The following ALMS1 variants were observed in gnomAD, a reference collection of about 807,000 sequenced individuals.
ALMS1 encodes the protein ALMS1 centrosome and basal body associated protein.
Under a neutral mutation model 352.2 loss-of-function variants are expected in ALMS1, and 271 were observed. That is an observed-to-expected ratio of 0.77 (90% CI 0.70 to 0.85). The LOEUF (loss-of-function observed/expected upper bound fraction) is 0.85, where lower values mean the gene tolerates loss of function less well. ALMS1 is among the 40% of genes least tolerant of loss of function. ALMS1 has a pLI of 0.00. For synonymous variants in ALMS1, 1,865 were observed against 1,761.2 expected (o/e 1.06, Z -1.48); for missense variants, 5,445 against 4,870.7 (o/e 1.12, Z -3.51).
chr2:73,592,996 A>G (rs897564613), intron 16 of ALMS1, among the ~76,000 whole-genome samples: 3 of 152,150 alleles, frequency 2.0e-5, no homozygotes, highest in Admixed American at 6.6e-5. Flanking sequence ...AGCCTAACCC[A>G]TGGTGGCTGA....
At chr2:73,510,858 T>A (rs1442099499) in intron 10 of ALMS1, among the ~76,000 whole-genome samples, 3 of 152,110 alleles carry the variant, frequency 2.0e-5, no homozygotes, top group Non-Finnish European at 4.4e-5. Flanking sequence ...AGATGGGAGT[T>A]TTATCTATAA....
chr2:73,588,963 A>G lies in ALMS1; in HGVS notation c.11548-10438A>G, dbSNP rs140896309. Reference sequence around the variant, plus strand: ...ATACGTTTACAGAGAAAGAGTTAAGATATAAAACTATGTATACATATTATA... The same window carrying G: ...ATACGTTTACAGAGAAAGAGTTAAGGTATAAAACTATGTATACATATTATA... On this transcript the variant is annotated intron_variant, in intron 16 of 22. Coordinates refer to ENST00000613296, the MANE Select transcript of ALMS1 (RefSeq NM_001378454.1). Among the ~76,000 whole-genome samples, 270 of 152,302 alleles carry G rather than the reference A, an allele frequency of 1.8e-3. 7 individuals are homozygous for G. The East Asian group carries it at 0.044, about 25-fold the overall frequency.
intron 10 of ALMS1, among the ~76,000 whole-genome samples, chr2:73,513,395 C>A (rs1339679217): frequency 1.3e-5 from 2 of 152,156 alleles, no homozygotes; most frequent in Admixed American, 6.5e-5. Context: ...GCTCATGACA[C>A]CTCACATTGG....
intron 16 of ALMS1, among the ~76,000 whole-genome samples, chr2:73,587,241 C>T (rs1036625523): frequency 6.6e-6 from 1 of 152,124 alleles, no homozygotes; most frequent in Non-Finnish European, 1.5e-5. Context: ...GTTTGACTTC[C>T]TATTTACCTG....
At chr2:73,423,127 A>G (rs1671316024) in intron 4 of ALMS1, among the ~76,000 whole-genome samples, 153 bp downstream of exon 4, 1 of 152,210 alleles carries the variant, frequency 6.6e-6, no homozygotes, top group Non-Finnish European at 1.5e-5. Flanking sequence ...CTAAGACTTG[A>G]TGCATATTAA....
chr2:73,454,365 CAG>C, intron 8 of ALMS1: 2 of 985,268 alleles, frequency 2.0e-6, no homozygotes, highest in Non-Finnish European at 2.4e-6. Flanking sequence ...TGATGTATGA[CAG>C]AGAGTAAAGA....
At chr2:73,462,359 CT>C (rs1303546765) in intron 9 of ALMS1, among the ~76,000 whole-genome samples, 1 of 152,124 alleles carries the variant, frequency 6.6e-6, no homozygotes, top group African/African-American at 2.4e-5. Flanking sequence ...CGAAACTAAG[CT>C]TCATAAGTGA....
rs750425368 is a variant in ALMS1 at position 73,491,201 on chromosome 2, G to T, written c.9242G>T (p.Ser3081Ile). 6.2e-7 allele frequency: 1 copy of T among 1,614,190 alleles called. No homozygotes were observed. Among genetic ancestry groups the T allele is most frequent in the Admixed American group, 1.7e-5 (1 of 60,028 alleles). The change falls in exon 10 of 23, where the codon AGT becomes ATT. Residue 3081 changes from serine to isoleucine, a missense_variant. By Grantham distance (142) the Ser-to-Ile change is moderately radical. Transcript: ENST00000613296. ...GCTGCTTCTAAAGCGAGGATGAATA[G>T]TGAGTTTAACTTTGACTTACATACT... ...LDAASKARMN[S>I]EFNFDLHTVS... is the part of the protein sequence containing the mutation.
rs778450415 is a variant in ALMS1, at chr2:73,450,761, C to T, written c.4234C>T (p.Pro1412Ser). The change falls in exon 8 of 23, where the codon CCT (proline) becomes TCT (serine). Residue 1412 changes from proline to serine, a missense_variant. Pro to Ser is a moderately conservative substitution (Grantham distance 74, BLOSUM62 -1). Coordinates refer to ENST00000613296, the MANE Select transcript of ALMS1 (RefSeq NM_001378454.1). ...AGAGGCTAAGAACGTTTCAGCGGTTCCTGGACCAGGTGACCGGAAGACTGG... is the reference window on the plus strand; with the variant it reads ...AGAGGCTAAGAACGTTTCAGCGGTTTCTGGACCAGGTGACCGGAAGACTGG... Reference protein sequence around the residue: ...TEEAKNVSAVPGPGDRKTGIP... With the variant: ...TEEAKNVSAVSGPGDRKTGIP... 6.2e-7 allele frequency: 1 copy of T among 1,613,094 alleles called. No homozygotes were observed. Among genetic ancestry groups the T allele is most frequent in the Admixed American group, 1.7e-5 (1 of 59,908 alleles).
Position 73,472,132 on chromosome 2 carries a change from C to G in ALMS1, c.7674+16837C>G, listed in dbSNP as rs766791790. ...GAATGATTTCACTTATATGAAATAT[C>G]TAAAAATAGTCAAATTCAGAAAACA... On this transcript the variant is annotated intron_variant, in intron 9 of 22. Transcript: ENST00000613296. Among the ~76,000 whole-genome samples, 73 of 151,890 alleles carry G rather than the reference C, an allele frequency of 4.8e-4. 1 individual carries two copies. Among genetic ancestry groups the G allele is most frequent in the Admixed American group, 3.9e-4 (6 of 15,224 alleles).
At chr2:73,405,374 A>G (rs903622680) in intron 1 of ALMS1, among the ~76,000 whole-genome samples, 3 of 152,150 alleles carry the variant, frequency 2.0e-5, no homozygotes, top group Admixed American at 6.5e-5. Flanking sequence ...GTTGGAGTAC[A>G]GTTGTTCATA....
intron 3 of ALMS1, among the ~76,000 whole-genome samples, chr2:73,421,860 A>T (rs776724958): frequency 5.3e-5 from 8 of 152,180 alleles, no homozygotes; most frequent in Non-Finnish European, 1.2e-4. Flanking sequence ...AGGAGTCCTC[A>T]CTTTGTACAC....
chr2:73,550,046 A>G lies in ALMS1; in HGVS notation c.9908-221A>G, dbSNP rs138390176. Among the ~76,000 whole-genome samples, 3,502 of 152,002 alleles carry G rather than the reference A, an allele frequency of 0.023. 84 individuals are homozygous for G. The highest frequency in any genetic ancestry group is 0.032 in the Non-Finnish European group (2,189 of 67,924). On this transcript the variant is annotated intron_variant, in intron 12 of 22. Coordinates refer to ENST00000613296, the MANE Select transcript of ALMS1 (RefSeq NM_001378454.1). ...GGCTAATTTTTGTATTTTTAGTAGA[A>G]ATGGGGTTTCACCATCTTGGCCAGG... is the stretch of plus-strand genomic sequence containing the variant.
intron 9 of ALMS1, among the ~76,000 whole-genome samples, chr2:73,478,386 G>T (rs917987771): frequency 6.6e-6 from 1 of 152,124 alleles, no homozygotes; most frequent in South Asian, 2.1e-4. Flanking sequence ...AGCATGAAGT[G>T]TTAAAAAATT....
Position 73,438,846 on chromosome 2 carries a change from T to C in ALMS1, c.1432+6555T>C, listed in dbSNP as rs544330334. Among the ~76,000 whole-genome samples, 186 of 152,304 alleles carry C rather than the reference T, an allele frequency of 1.2e-3. 1 individual carries two copies. The highest frequency in any genetic ancestry group is 2.0e-3 in the Non-Finnish European group (139 of 68,012). ...TTTACTATATCACACTGGATTTTGTTGCACGAACATTTAGGATTGCTTTGT... is the reference window on the plus strand; with the variant it reads ...TTTACTATATCACACTGGATTTTGTCGCACGAACATTTAGGATTGCTTTGT... On this transcript the variant is annotated intron_variant, in intron 7 of 22. Coordinates refer to ENST00000613296, the MANE Select transcript of ALMS1 (RefSeq NM_001378454.1).
intron 13 of ALMS1, among the ~76,000 whole-genome samples, chr2:73,552,151 C>T (rs1482756860): frequency 1.3e-5 from 2 of 152,030 alleles, no homozygotes; most frequent in East Asian, 3.9e-4. Flanking sequence ...TGTGCTGCAC[C>T]CATTAACTCG....
intron 12 of ALMS1, among the ~76,000 whole-genome samples, chr2:73,545,584 G>A (rs187722662): frequency 1.3e-5 from 2 of 152,288 alleles, no homozygotes; most frequent in African/African-American, 4.8e-5. Context: ...CCAAATCAGG[G>A]TTGAGTATAC....
intron 1 of ALMS1, among the ~76,000 whole-genome samples, chr2:73,402,568 A>G (rs551739738): frequency 4.3e-4 from 65 of 152,086 alleles, no homozygotes; most frequent in African/African-American, 1.5e-3. Context: ...TCGTAGTTCT[A>G]TTTTTAATTA....
Position 73,573,219 on chromosome 2 carries a change from C to G in ALMS1, c.11342C>G (p.Ser3781Cys), listed in dbSNP as rs1204755192. 1.2e-6 allele frequency: 2 copies of G among 1,613,138 alleles called. No individual in the cohort carries two copies. The highest frequency in any genetic ancestry group is 1.7e-6 in the Non-Finnish European group (2 of 1,179,272). Residue 3781 changes from serine (S) to cysteine (C), a missense_variant, in exon 16 of 23, where the codon TCT becomes TGT. Transcript: ENST00000613296. ...GTGGCTCTGCACGAAAGGAGTAGCT[C>G]TGTTTCCACTATTGACACTGCCCGG... ...REVALHERSS[S>C]VSTIDTARLI... is the part of the protein sequence containing the mutation.
Sources: allele counts gnomAD v4.1 joint callset (sites outside exome capture counted in the v4.1 genomes callset), GRCh38; gene constraint gnomAD v4.1.1; transcripts MANE v1.5; gene names NCBI Gene and HGNC (gene_info 2026-07-23, HGNC 2026-07-21).